The following NAALADL2 variants were observed in gnomAD, a reference collection of about 807,000 sequenced individuals.
NAALADL2 encodes the protein inactive N-acetylated-alpha-linked acidic dipeptidase-like protein 2.
NAALADL2 carries 76 observed loss-of-function variants against 87.2 expected under a neutral mutation model. That is an observed-to-expected ratio of 0.87 (90% CI 0.72 to 1.05). The LOEUF is 1.05. NAALADL2 is among the 50% of genes least tolerant of loss of function. The probability of loss-of-function intolerance (pLI) is 0.00; values close to 1 mark genes in which losing one functional copy is unlikely to be tolerated. For synonymous variants in NAALADL2, 354 were observed against 331.0 expected, an observed-to-expected ratio of 1.07 and a Z score of -0.75; for missense variants, 1,089 against 945.8, an observed-to-expected ratio of 1.15 and a Z score of -1.99.
At chr3:174,890,078 T>C (rs1730682153) in intron 1 of NAALADL2, among the ~76,000 whole-genome samples, 2 of 152,188 alleles carry the variant, frequency 1.3e-5, no homozygotes, top group African/African-American at 2.4e-5. Context: ...GTCCTTGAGA[T>C]AATATCGGTA....
chr3:174,882,891 GTA>G lies in NAALADL2; in HGVS notation c.43+23449_43+23450del, dbSNP rs775939625. On this transcript the variant is annotated intron_variant, in intron 1 of 13. Transcript: ENST00000454872. ...TGTATATGTGTATATGTGTATATAT[GTA>G]TATATATGTGTATATATATGTTTGT... 2.7e-4 allele frequency among the ~76,000 whole-genome samples: 40 copies of G among 149,052 alleles called. No homozygotes were observed. In the East Asian group the frequency reaches 3.0e-3, roughly 11 times the overall value.
At chr3:174,705,555 C>T (rs192134080) in intron 2 of NAALADL2, among the ~76,000 whole-genome samples, 5,960 of 152,028 alleles carry the variant, frequency 0.039, 376 homozygotes, top group African/African-American at 0.13. Flanking sequence ...GAGGCCGAGG[C>T]GGGTGGATCA....
intron 2 of NAALADL2, among the ~76,000 whole-genome samples, chr3:174,606,615 A>T (rs576932380): frequency 3.0e-4 from 46 of 152,320 alleles, no homozygotes; most frequent in African/African-American, 1.0e-3. Flanking sequence ...AGGGAAGTTT[A>T]GAGAAAAAAG....
At chr3:175,265,343 A>G (rs772959008) in intron 4 of NAALADL2, among the ~76,000 whole-genome samples, 1 of 151,706 alleles carries the variant, frequency 6.6e-6, no homozygotes, top group Non-Finnish European at 1.5e-5. Flanking sequence ...TCATTTCTGC[A>G]TTGATATTTC....
chr3:175,558,256 C>A (rs116260942), intron 9 of NAALADL2, among the ~76,000 whole-genome samples: 3,066 of 150,384 alleles, frequency 0.02, 124 homozygotes, highest in African/African-American at 0.071. Context: ...GGTCTTTTGC[C>A]ATTTTTAAAA....
At chr3:174,894,594 C>CAAAAAAAAAAAAAAAAAAAAAAAAAAAAA (rs869161862) in intron 1 of NAALADL2, among the ~76,000 whole-genome samples, 6 of 48,476 alleles carry the variant, frequency 1.2e-4, no homozygotes, top group South Asian at 7.2e-4. Flanking sequence ...AACTCCGTCT[C>CAAAAAAAAAAAAAAAAAAAAAAAAAAAAA]AAAAAAAAAA....
At chr3:175,041,947 A>G (rs1480240092) in intron 1 of NAALADL2, among the ~76,000 whole-genome samples, 1 of 152,148 alleles carries the variant, frequency 6.6e-6, no homozygotes, top group Non-Finnish European at 1.5e-5. Context: ...GGAACAGTTA[A>G]TACCTGCTCT....
chr3:175,587,828 ACC>A (rs1720760168), intron 10 of NAALADL2, among the ~76,000 whole-genome samples: 1 of 152,110 alleles, frequency 6.6e-6, no homozygotes. Context: ...ACAGTTCATA[ACC>A]CACACAAATA....
chr3:174,569,104 T>G (rs1714627234), intron 2 of NAALADL2, among the ~76,000 whole-genome samples: 1 of 151,672 alleles, frequency 6.6e-6, no homozygotes, highest in Non-Finnish European at 1.5e-5. Flanking sequence ...TTGATCATAT[T>G]ATAGCTTTCA....
chr3:175,427,959 T>A (rs1352953156), intron 5 of NAALADL2, among the ~76,000 whole-genome samples: 1 of 152,192 alleles, frequency 6.6e-6, no homozygotes, highest in Non-Finnish European at 1.5e-5. Context: ...TGTTCATCTG[T>A]GTTAATACAG....
chr3:174,978,320 C>T (rs1445255453), intron 1 of NAALADL2, among the ~76,000 whole-genome samples: 1 of 152,154 alleles, frequency 6.6e-6, no homozygotes. Context: ...GTTTTAATGT[C>T]AGTTTTTAAT....
chr3:175,027,636 CTCA>C (rs1253885021), intron 1 of NAALADL2, among the ~76,000 whole-genome samples: 1 of 152,060 alleles, frequency 6.6e-6, no homozygotes, highest in African/African-American at 2.4e-5. Flanking sequence ...TTTTCTCTGT[CTCA>C]TCAATAGAAG....
At position 175,315,652 on chromosome 3, in the gene NAALADL2, C is replaced by A. The variant is rs149102344; in HGVS notation, c.940-8523C>A. 2.9e-3 allele frequency among the ~76,000 whole-genome samples: 438 copies of A among 152,070 alleles called. 3 individuals are homozygous for A. Among genetic ancestry groups the A allele is most frequent in the African/African-American group, 0.01 (416 of 41,492 alleles). On this transcript the variant is annotated intron_variant, in intron 4 of 13. Coordinates refer to ENST00000454872, the MANE Select transcript of NAALADL2 (RefSeq NM_207015.3). Reference sequence around the variant, plus strand: ...AGCAGCATATTTTAGGCTATAAATACTGTGAAATAGTTTTGAAAAATAAAA... The same window carrying A: ...AGCAGCATATTTTAGGCTATAAATAATGTGAAATAGTTTTGAAAAATAAAA...
chr3:174,617,228 C>T (rs1363915603), intron 2 of NAALADL2, among the ~76,000 whole-genome samples: 1 of 151,672 alleles, frequency 6.6e-6, no homozygotes, highest in East Asian at 1.9e-4. Context: ...TTCTCTAACT[C>T]AGAATATTTT....
rs185714610 is a variant in NAALADL2, at chr3:174,883,843, G to T, written c.43+24393G>T. Among the ~76,000 whole-genome samples the T allele has an allele frequency of 1.4e-3, 210 of 152,256 alleles. 1 individual carries two copies. The highest frequency in any genetic ancestry group is 5.0e-3 in the African/African-American group (206 of 41,554). On this transcript the variant is annotated intron_variant, in intron 1 of 13. Coordinates refer to ENST00000454872, the MANE Select transcript of NAALADL2 (RefSeq NM_207015.3). ...GTAGTCCTGTCTGGATTGGGCTGTT[G>T]TAATTTCCCATTGACCTTAAACATA...
intron 3 of NAALADL2, among the ~76,000 whole-genome samples, chr3:174,847,290 A>G (rs1724732186): frequency 1.3e-5 from 2 of 152,122 alleles, no homozygotes; most frequent in Non-Finnish European, 2.9e-5. Context: ...AAAAACCCCA[A>G]CCTGGGATTT....
At chr3:175,456,303 C>T (rs1722308417) in intron 6 of NAALADL2, among the ~76,000 whole-genome samples, 1 of 151,982 alleles carries the variant, frequency 6.6e-6, no homozygotes, top group Non-Finnish European at 1.5e-5. Context: ...AGCTCTGACA[C>T]CCCTCACCCT....
rs60569510 is a variant in NAALADL2, at chr3:174,657,041, C to CTTTT, written c.-114-80584_-114-80581dup. On this transcript the variant is annotated intron_variant, in intron 2 of 3. Coordinates refer to the NAALADL2 transcript ENST00000434257. ...TCTCTCTCTTTTTCTTTTCCTTCTT[C>CTTTT]TTTTTTTTTTTTTTTTTTTGCTCCG... Among the ~76,000 whole-genome samples, 578 of 115,764 alleles carry CTTTT rather than the reference C, an allele frequency of 5.0e-3. 25 individuals are homozygous for CTTTT. Among genetic ancestry groups the CTTTT allele is most frequent in the African/African-American group, 0.014 (396 of 28,276 alleles). 75.9% of individuals were successfully genotyped at this position (115,764 alleles called of 152,430 possible).
chr3:174,882,619 G>GTGTATATACACATA (rs1729421910), intron 1 of NAALADL2, among the ~76,000 whole-genome samples: 1 of 114,568 alleles, frequency 8.7e-6, no homozygotes, highest in East Asian at 2.3e-4. Context: ...ATGTGCATAT[G>GTGTATATACACATA]CATATATGTG....
Sources: gnomAD v4.1 joint callset for allele counts (sites outside exome capture counted in the v4.1 genomes callset) on GRCh38, gnomAD v4.1.1 for gene constraint, MANE v1.5 for transcripts, NCBI Gene and HGNC (gene_info 2026-07-23, HGNC 2026-07-21) for gene names.